ADAM22: variants seen among roughly 807,000 people sequenced by gnomAD.
ADAM22 encodes disintegrin and metalloproteinase domain-containing protein 22.
A neutral mutation model predicts 144.6 loss-of-function variants in ADAM22; 65 were observed. That is an observed-to-expected ratio of 0.45 (90% CI 0.37 to 0.55). The LOEUF is 0.55. ADAM22 is among the 20% of genes least tolerant of loss of function. The pLI, the probability that ADAM22 is intolerant of heterozygous loss-of-function variation, is 0.00. For synonymous variants in ADAM22, 391 were observed against 412.6 expected, an observed-to-expected ratio of 0.95 and a Z score of 0.63; for missense variants, 974 against 1,184.9, an observed-to-expected ratio of 0.82 and a Z score of 2.61.
chr7:87,941,376 T>C (rs1410166139), intron 2 of ADAM22, among the ~76,000 whole-genome samples: 1 of 152,236 alleles, frequency 6.6e-6, no homozygotes, highest in African/African-American at 2.4e-5. Context: ...GTACTTTACA[T>C]TGTGCTGTTT....
chr7:88,035,736 A>G lies in ADAM22; in HGVS notation c.324-39890A>G, dbSNP rs62486378. On this transcript the variant is annotated intron_variant, in intron 3 of 31. Coordinates refer to ENST00000413139, the MANE Select transcript of ADAM22 (RefSeq NM_001324418.2). ...AATGCATAGGCTGTATGCAAATACCACACCATTTTATATAACAGACTTGAG... is the reference window on the plus strand; with the variant it reads ...AATGCATAGGCTGTATGCAAATACCGCACCATTTTATATAACAGACTTGAG... Among the ~76,000 whole-genome samples the G allele has an allele frequency of 5.7e-3, 872 of 152,328 alleles. 6 individuals carry two copies. The highest frequency in any genetic ancestry group is 0.03 in the South Asian group (147 of 4,826).
intron 3 of ADAM22, among the ~76,000 whole-genome samples, chr7:88,010,108 C>T (rs1022869826): frequency 6.6e-6 from 1 of 151,608 alleles, no homozygotes; most frequent in African/African-American, 2.4e-5. Flanking sequence ...GGGAACTGTC[C>T]TTGGAAGAGG....
At chr7:88,027,174 C>T (rs1382475631) in intron 3 of ADAM22, among the ~76,000 whole-genome samples, 5 of 152,046 alleles carry the variant, frequency 3.3e-5, no homozygotes, top group Non-Finnish European at 7.4e-5. Flanking sequence ...TCATCAGGGA[C>T]GTTGGCCTGT....
chr7:87,968,965 G>A (rs1365794611), intron 2 of ADAM22, among the ~76,000 whole-genome samples: 1 of 152,064 alleles, frequency 6.6e-6, no homozygotes, highest in African/African-American at 2.4e-5. Flanking sequence ...AGGGGGAGAT[G>A]CTACACACTT....
chr7:87,940,761 G>A (rs1470641665), intron 2 of ADAM22, among the ~76,000 whole-genome samples: 1 of 152,112 alleles, frequency 6.6e-6, no homozygotes, highest in East Asian at 1.9e-4. Flanking sequence ...CTGGAAAATA[G>A]CATTCAGGCC....
chr7:88,193,550 TCA>T (rs1850064981), intron 31 of ADAM22, among the ~76,000 whole-genome samples: 1 of 152,208 alleles, frequency 6.6e-6, no homozygotes, highest in Admixed American at 6.5e-5. Flanking sequence ...TACATTTTAA[TCA>T]CACTGCCACT....
At chr7:88,130,217 T>TG (rs1194973273) in intron 9 of ADAM22, among the ~76,000 whole-genome samples, 171 bp from the exon 10 acceptor site, 1 of 152,114 alleles carries the variant, frequency 6.6e-6, no homozygotes, top group African/African-American at 2.4e-5. Context: ...ATAAAGAACT[T>TG]GATCTCAGCT....
chr7:88,172,867 T>C (rs1323396996), intron 26 of ADAM22, among the ~76,000 whole-genome samples: 1 of 152,022 alleles, frequency 6.6e-6, no homozygotes, highest in East Asian at 1.9e-4. Context: ...TTAGACTTTC[T>C]GTTGGGTAGA....
chr7:88,002,673 G>T, intron 3 of ADAM22, among the ~76,000 whole-genome samples: 1 of 152,172 alleles, frequency 6.6e-6, no homozygotes, highest in East Asian at 1.9e-4. Flanking sequence ...AGAGGAAAAA[G>T]ACCAGAAATT....
Position 88,160,803 on chromosome 7 carries a change from A to T in ADAM22, c.1908-2209A>T, listed in dbSNP as rs141654099. Among the ~76,000 whole-genome samples, 1,260 of 152,148 alleles carry T rather than the reference A, an allele frequency of 8.3e-3. 21 individuals carry two copies. The highest frequency in any genetic ancestry group is 0.029 in the African/African-American group (1,212 of 41,458). On this transcript the variant is annotated intron_variant, in intron 22 of 31. Transcript: ENST00000413139. ...TGCAGCCATAAAAAATGATGAGTTC[A>T]TGTCCTTTGTAGGGACATGGATGAA...
chr7:88,122,331 A>G (rs1020342348), intron 7 of ADAM22, among the ~76,000 whole-genome samples: 1 of 152,200 alleles, frequency 6.6e-6, no homozygotes, highest in African/African-American at 2.4e-5. Flanking sequence ...ATCTTGAGAA[A>G]TGACAGTTCA....
intron 3 of ADAM22, among the ~76,000 whole-genome samples, chr7:88,023,238 C>T (rs771767805): frequency 6.6e-6 from 1 of 152,000 alleles, no homozygotes; most frequent in Admixed American, 6.6e-5. Flanking sequence ...TATATCAGAT[C>T]TCTTTATATT....
intron 4 of ADAM22, among the ~76,000 whole-genome samples, chr7:88,083,413 C>T (rs186150120): frequency 5.3e-4 from 81 of 152,012 alleles, no homozygotes; most frequent in African/African-American, 1.9e-3. Flanking sequence ...GGGTGCAGCA[C>T]ACCAACATGG....
chr7:88,127,289 C>CA (rs1830645181), intron 8 of ADAM22, among the ~76,000 whole-genome samples: 1 of 151,896 alleles, frequency 6.6e-6, no homozygotes, highest in Non-Finnish European at 1.5e-5. Context: ...GCTAAGTAGA[C>CA]AAAACCTTGA....
rs185998990 is a variant in ADAM22 at position 88,145,812 on chromosome 7, C to T, written c.1485+305C>T. On this transcript the variant is annotated intron_variant, in intron 17 of 31. Transcript: ENST00000413139. ...ATCTTCAGAGGCTGTCCTTTCCATA[C>T]TTTCTGTGGAGCATGCACATTAAAT... Among the ~76,000 whole-genome samples, 790 of 152,228 alleles carry T rather than the reference C, an allele frequency of 5.2e-3. 11 individuals are homozygous for T. Among genetic ancestry groups the T allele is most frequent in the African/African-American group, 0.018 (747 of 41,540 alleles).
At chr7:88,013,217 A>C (rs928819096) in intron 3 of ADAM22, among the ~76,000 whole-genome samples, 1 of 152,044 alleles carries the variant, frequency 6.6e-6, no homozygotes, top group African/African-American at 2.4e-5. Context: ...ATTATTCTCT[A>C]TGTTCACCTG....
intron 4 of ADAM22, among the ~76,000 whole-genome samples, chr7:88,091,787 A>G (rs1819924979): frequency 6.6e-6 from 1 of 152,168 alleles, no homozygotes; most frequent in Non-Finnish European, 1.5e-5. Context: ...GAATGCAAAT[A>G]TTTTAATTAC....
At chr7:88,037,940 A>G (rs1209686288) in intron 3 of ADAM22, among the ~76,000 whole-genome samples, 1 of 152,244 alleles carries the variant, frequency 6.6e-6, no homozygotes, top group Non-Finnish European at 1.5e-5. Context: ...TAAACCAAAG[A>G]TAATGGGTTT....
chr7:88,116,864 T>A, intron 7 of ADAM22, 50 bp downstream of exon 7: 1 of 1,337,398 alleles, frequency 7.5e-7, no homozygotes, highest in Non-Finnish European at 1.1e-6. Flanking sequence ...CTTCAGTAAT[T>A]TATTTAATGC....
Sources: allele counts gnomAD v4.1 joint callset (sites outside exome capture counted in the v4.1 genomes callset), GRCh38; gene constraint gnomAD v4.1.1; transcripts MANE v1.5; gene names NCBI Gene and HGNC (gene_info 2026-07-23, HGNC 2026-07-21).